The following PACC1 variants were observed in gnomAD, a reference collection of about 807,000 sequenced individuals.
PACC1 encodes the protein proton activated chloride channel 1.
A neutral mutation model predicts 39.7 loss-of-function variants in PACC1; 34 were observed. The observed-to-expected ratio is 0.86, with a 90% CI of 0.65 to 1.14. The LOEUF is 1.14. Among genes scored for constraint, PACC1 ranks in the 50% most tolerant of loss-of-function variants. The pLI is 0.00. For missense variants in PACC1, 379 were observed against 436.4 expected (o/e 0.87, Z 1.17); for synonymous variants, 127 against 160.6 (o/e 0.79, Z 1.58).
intron 2 of PACC1, among the ~76,000 whole-genome samples, chr1:212,391,031 C>A (rs1234042373): frequency 2.6e-5 from 4 of 152,234 alleles, no homozygotes; most frequent in Non-Finnish European, 5.9e-5. Context: ...CATAGCCGAA[C>A]AAAAGGCAGC....
chr1:212,385,468 C>T (rs762324789), intron 3 of PACC1, 43 bp from the exon 4 acceptor site: 8 of 1,607,972 alleles, frequency 5.0e-6, no homozygotes, highest in Middle Eastern at 1.7e-4. Context: ...AAATCACACT[C>T]CTGACCACAT....
chr1:212,397,949 C>A (rs1381201963), intron 2 of PACC1, among the ~76,000 whole-genome samples: 1 of 152,210 alleles, frequency 6.6e-6, no homozygotes, highest in African/African-American at 2.4e-5. Flanking sequence ...CTACTAACTA[C>A]TCCATGATCC....
chr1:212,404,447 ACAGACCCTGACACT>A (rs1365487578), intron 2 of PACC1, among the ~76,000 whole-genome samples: 2 of 151,524 alleles, frequency 1.3e-5, no homozygotes, highest in African/African-American at 4.9e-5. Context: ...TAGATAATGT[ACAGACCCTGACACT>A]CAGACCCCTC....
chr1:212,382,242 AC>A (rs1660927074), intron 4 of PACC1, among the ~76,000 whole-genome samples: 1 of 151,954 alleles, frequency 6.6e-6, no homozygotes, highest in Non-Finnish European at 1.5e-5. Context: ...ACGGGGTTTC[AC>A]CATGTTAGCC....
At chr1:212,383,513 T>C (rs929038126) in intron 4 of PACC1, among the ~76,000 whole-genome samples, 8 of 152,314 alleles carry the variant, frequency 5.3e-5, no homozygotes, top group African/African-American at 1.7e-4. Context: ...TTGCTTTCCT[T>C]TTTGTTTTAA....
intron 7 of PACC1, among the ~76,000 whole-genome samples, chr1:212,372,671 A>G (rs571171495): frequency 6.6e-6 from 1 of 152,212 alleles, no homozygotes; most frequent in Non-Finnish European, 1.5e-5. Context: ...ACACACCCAA[A>G]TCAGGAATAT....
At chr1:212,385,186 G>T in intron 4 of PACC1, 88 bp downstream of exon 4, 1 of 1,467,772 alleles carries the variant, frequency 6.8e-7, no homozygotes. Flanking sequence ...GTGGAAGAAG[G>T]ACTCCTAGGA....
chr1:212,382,354 G>C (rs182773044), intron 4 of PACC1, among the ~76,000 whole-genome samples: 4 of 152,044 alleles, frequency 2.6e-5, no homozygotes, highest in African/African-American at 9.6e-5. Flanking sequence ...AGTGTTTTAT[G>C]GTTGCAAAAA....
At chr1:212,411,552 C>A (rs1268662972) in intron 1 of PACC1, among the ~76,000 whole-genome samples, 3 of 152,082 alleles carry the variant, frequency 2.0e-5, no homozygotes, top group African/African-American at 7.2e-5. Flanking sequence ...ATCAACAAGT[C>A]TCTGTAGGAT....
chr1:212,380,567 AT>A (rs1478728284), intron 4 of PACC1, among the ~76,000 whole-genome samples: 1 of 152,130 alleles, frequency 6.6e-6, no homozygotes, highest in Admixed American at 6.5e-5. Flanking sequence ...TAAGCTCTGT[AT>A]ATAGTGTGAA....
At chr1:212,398,705 T>C (rs750736069) in intron 2 of PACC1, among the ~76,000 whole-genome samples, 1 of 152,222 alleles carries the variant, frequency 6.6e-6, no homozygotes, top group Non-Finnish European at 1.5e-5. Flanking sequence ...CCTCTACCTA[T>C]TGCTAATAGA....
intron 4 of PACC1, among the ~76,000 whole-genome samples, chr1:212,381,529 C>A (rs780858632): frequency 4.6e-5 from 7 of 152,132 alleles, no homozygotes; most frequent in Non-Finnish European, 7.3e-5. Context: ...ATCCACTCCC[C>A]CTGCTGGAGC....
intron 7 of PACC1, among the ~76,000 whole-genome samples, chr1:212,368,838 C>G (rs1030340717): frequency 6.6e-6 from 1 of 152,000 alleles, no homozygotes; most frequent in Admixed American, 6.6e-5. Flanking sequence ...CAAGACCATC[C>G]TGGCTAACAC....
chr1:212,391,504 G>C (rs1235302426), intron 2 of PACC1, among the ~76,000 whole-genome samples: 3 of 152,156 alleles, frequency 2.0e-5, no homozygotes, highest in Non-Finnish European at 4.4e-5. Flanking sequence ...AAACAGAACA[G>C]AAAAACTGAA....
At chr1:212,400,689 C>G (rs1277757348) in intron 2 of PACC1, among the ~76,000 whole-genome samples, 1 of 152,110 alleles carries the variant, frequency 6.6e-6, no homozygotes, top group African/African-American at 2.4e-5. Context: ...CTAACACTGG[C>G]TTTTTGTGGC....
chr1:212,388,561 A>G (rs1189086458), intron 2 of PACC1, among the ~76,000 whole-genome samples: 1 of 152,222 alleles, frequency 6.6e-6, no homozygotes, highest in African/African-American at 2.4e-5. Flanking sequence ...CAATAGGACC[A>G]GAATCCTTAT....
At chr1:212,377,420 G>A (rs901505435) in intron 6 of PACC1, 142 bp downstream of exon 6, 2 of 1,122,212 alleles carry the variant, frequency 1.8e-6, no homozygotes, top group African/African-American at 3.1e-5. Context: ...AGCCCTCCAT[G>A]GGAGTCCCTT....
chr1:212,377,416 C>A, intron 6 of PACC1, 146 bp downstream of exon 6: 1 of 1,092,730 alleles, frequency 9.2e-7, no homozygotes, highest in South Asian at 1.5e-5. Context: ...ATGAAGCCCT[C>A]CATGGGAGTC....
chr1:212,404,559 G>T (rs1661837543), intron 2 of PACC1, among the ~76,000 whole-genome samples: 1 of 151,672 alleles, frequency 6.6e-6, no homozygotes. Flanking sequence ...TGCTATTCAT[G>T]ATCTCTGACA....
Sources: allele counts gnomAD v4.1 joint callset (sites outside exome capture counted in the v4.1 genomes callset), GRCh38; gene constraint gnomAD v4.1.1; transcripts MANE v1.5; gene names NCBI Gene and HGNC (gene_info 2026-07-23, HGNC 2026-07-21).